Variants in SH3GL2 observed in about 807,000 individuals in gnomAD.
SH3GL2 encodes the protein endophilin-A1.
SH3GL2 carries 24 observed loss-of-function variants against 46.0 expected under a neutral mutation model. The ratio of observed to expected loss-of-function variants is 0.52; its 90% CI spans 0.38 to 0.73. The LOEUF is 0.73. Among genes scored for constraint, SH3GL2 ranks in the 30% least tolerant of loss-of-function variants. SH3GL2 has a pLI of 0.00. For synonymous variants in SH3GL2, 196 were observed against 147.1 expected (o/e 1.33, Z -2.40); for missense variants, 413 against 424.2 (o/e 0.97, Z 0.23).
At chr9:17,736,108 C>T (rs1412736934) in intron 1 of SH3GL2, among the ~76,000 whole-genome samples, 1 of 152,066 alleles carries the variant, frequency 6.6e-6, no homozygotes, top group African/African-American at 2.4e-5. Context: ...CAGTGCATAG[C>T]CTTCTTAAGC....
chr9:17,710,658 A>G (rs966616164), intron 1 of SH3GL2, among the ~76,000 whole-genome samples: 1 of 152,054 alleles, frequency 6.6e-6, no homozygotes, highest in Non-Finnish European at 1.5e-5. Context: ...CCAAATGTGG[A>G]TAAACAAAAT....
intron 8 of SH3GL2, 42 bp downstream of exon 8, chr9:17,793,539 A>C: frequency 6.3e-7 from 1 of 1,595,590 alleles, no homozygotes; most frequent in South Asian, 1.1e-5. Context: ...AGCCCTTGGC[A>C]TATCCATTGG....
intron 1 of SH3GL2, among the ~76,000 whole-genome samples, chr9:17,643,230 A>G (rs13296603): frequency 0.019 from 2,903 of 152,278 alleles, 40 homozygotes; most frequent in South Asian, 0.036. Context: ...ATTTTTGCAC[A>G]TTGATTTTGT....
At chr9:17,769,778 A>T (rs1035992786) in intron 3 of SH3GL2, among the ~76,000 whole-genome samples, 1 of 152,106 alleles carries the variant, frequency 6.6e-6, no homozygotes, top group Non-Finnish European at 1.5e-5. Flanking sequence ...CATTTCTCAT[A>T]TAGAACGTAA....
intron 2 of SH3GL2, among the ~76,000 whole-genome samples, chr9:17,757,575 C>T (rs3824371): frequency 0.13 from 19,332 of 152,176 alleles, 1,317 homozygotes; most frequent in Middle Eastern, 0.14. Context: ...TAGTTGAAGA[C>T]GGAGGCTCAG....
chr9:17,729,447 A>G (rs1356820659), intron 1 of SH3GL2, among the ~76,000 whole-genome samples: 1 of 152,156 alleles, frequency 6.6e-6, no homozygotes, highest in Admixed American at 6.5e-5. Context: ...TTTGCTCTAC[A>G]GAAGCTCTTC....
intron 3 of SH3GL2, among the ~76,000 whole-genome samples, chr9:17,780,161 C>T (rs1823762103): frequency 6.6e-6 from 1 of 152,108 alleles, no homozygotes; most frequent in Admixed American, 6.6e-5. Flanking sequence ...CTATTATAAA[C>T]TTCTGTTTAA....
At chr9:17,602,027 C>G (rs184964191) in intron 1 of SH3GL2, among the ~76,000 whole-genome samples, 5 of 152,312 alleles carry the variant, frequency 3.3e-5, no homozygotes, top group Middle Eastern at 3.4e-3. Flanking sequence ...GGTTGAACTT[C>G]ATGAAACTTA....
chr9:17,613,466 T>G (rs1818913960), intron 1 of SH3GL2, among the ~76,000 whole-genome samples: 1 of 152,182 alleles, frequency 6.6e-6, no homozygotes, highest in Admixed American at 6.5e-5. Context: ...AAATCACATA[T>G]TGTCCCTCCC....
chr9:17,705,126 C>G (rs937889019), intron 1 of SH3GL2, among the ~76,000 whole-genome samples: 1 of 151,844 alleles, frequency 6.6e-6, no homozygotes, highest in Admixed American at 6.6e-5. Flanking sequence ...ATGTGGCCAA[C>G]AAGCATATAA....
chr9:17,690,345 T>C (rs542021473), intron 1 of SH3GL2, among the ~76,000 whole-genome samples: 1 of 152,158 alleles, frequency 6.6e-6, no homozygotes. Context: ...TTTGTTTTTA[T>C]GGACTCCTCC....
intron 1 of SH3GL2, chr9:17,589,116 G>C (rs1237916088): frequency 1.3e-5 from 2 of 152,150 alleles, no homozygotes; most frequent in African/African-American, 4.8e-5. Flanking sequence ...ACATACATAT[G>C]CACATATGAA....
chr9:17,606,716 T>G (rs1818767136), intron 1 of SH3GL2, among the ~76,000 whole-genome samples: 1 of 152,212 alleles, frequency 6.6e-6, no homozygotes, highest in African/African-American at 2.4e-5. Flanking sequence ...TTCTGTTTTC[T>G]TTCTCTTTGC....
intron 1 of SH3GL2, among the ~76,000 whole-genome samples, chr9:17,648,825 C>G (rs902408550): frequency 4.6e-5 from 7 of 152,168 alleles, no homozygotes; most frequent in Admixed American, 2.6e-4. Context: ...AAAACAACTT[C>G]TAGAAAGAGA....
intron 1 of SH3GL2, among the ~76,000 whole-genome samples, chr9:17,607,353 G>C (rs2134573480): frequency 6.6e-6 from 1 of 152,268 alleles, no homozygotes; most frequent in Non-Finnish European, 1.5e-5. Context: ...ATGTAGAAAA[G>C]ATACAGTAAA....
At position 17,686,004 on chromosome 9, in the gene SH3GL2, C is replaced by G. The variant is rs1335926748; in HGVS notation, c.46-61062C>G. The stretch of plus-strand genomic sequence containing the variant: ...AGAAACTACCATCAGAGTGAACAGG[C>G]AACCTACAAAATGGGAGAAAATTTT... On this transcript the variant is annotated intron_variant, in intron 1 of 8. Coordinates refer to ENST00000380607, the MANE Select transcript of SH3GL2 (RefSeq NM_003026.5). 3.5e-5 allele frequency among the ~76,000 whole-genome samples: 5 copies of G among 142,792 alleles called. No homozygotes were observed. In the South Asian group the frequency reaches 9.6e-4, roughly 27 times the overall value. The allele number at this position is 142,792 out of a possible 152,430, so 93.7% of individuals were successfully genotyped here. A position where few individuals can be genotyped will look rare whatever the true frequency, so the allele number is the denominator to read the frequency against.
At chr9:17,710,969 GAT>G (rs1157770755) in intron 1 of SH3GL2, among the ~76,000 whole-genome samples, 1 of 151,894 alleles carries the variant, frequency 6.6e-6, no homozygotes, top group Non-Finnish European at 1.5e-5. Context: ...CTTAATAAAA[GAT>G]ATATGATTGT....
At chr9:17,717,178 T>C (rs1170717458) in intron 1 of SH3GL2, among the ~76,000 whole-genome samples, 3 of 152,162 alleles carry the variant, frequency 2.0e-5, no homozygotes, top group Non-Finnish European at 4.4e-5. Context: ...AGTCTCCTAT[T>C]CGGAAGGTCA....
intron 1 of SH3GL2, among the ~76,000 whole-genome samples, chr9:17,687,627 C>T (rs1282946573): frequency 6.6e-6 from 1 of 152,026 alleles, no homozygotes; most frequent in Non-Finnish European, 1.5e-5. Flanking sequence ...CAAACTATAA[C>T]ATACATATAG....
Sources: allele counts gnomAD v4.1 joint callset (sites outside exome capture counted in the v4.1 genomes callset), GRCh38; gene constraint gnomAD v4.1.1; transcripts MANE v1.5; gene names NCBI Gene and HGNC (gene_info 2026-07-23, HGNC 2026-07-21).